PCBP3: variants seen among roughly 807,000 people sequenced by gnomAD.
The protein encoded by PCBP3 is poly(rC) binding protein 3, also known as poly(rC)-binding protein 3.
Under a neutral mutation model 52.7 loss-of-function variants are expected in PCBP3, and 25 were observed. The observed-to-expected ratio is 0.47, with a 90% CI of 0.35 to 0.66. PCBP3 has a LOEUF of 0.66. Among genes scored for constraint, PCBP3 ranks in the 30% least tolerant of loss-of-function variants. PCBP3 has a pLI of 0.01. For missense variants in PCBP3, 391 were observed against 490.3 expected, an observed-to-expected ratio of 0.80 and a Z score of 1.91; for synonymous variants, 162 against 183.0, an observed-to-expected ratio of 0.89 and a Z score of 0.93.
At chr21:45,666,229 A>G (rs1231730318) in intron 1 of PCBP3, among the ~76,000 whole-genome samples, 1 of 152,198 alleles carries the variant, frequency 6.6e-6, no homozygotes, top group Non-Finnish European at 1.5e-5. Context: ...GTCCATTTTC[A>G]CCACCCTTAT....
intron 11 of PCBP3, among the ~76,000 whole-genome samples, chr21:45,911,858 G>C (rs996766314): frequency 2.0e-5 from 3 of 152,226 alleles, no homozygotes; most frequent in Non-Finnish European, 4.4e-5. Context: ...GATACTTTGT[G>C]AAGTGAAAAA....
At chr21:45,857,000 G>A (rs1341686189) in intron 5 of PCBP3, among the ~76,000 whole-genome samples, 1 of 152,216 alleles carries the variant, frequency 6.6e-6, no homozygotes, top group Non-Finnish European at 1.5e-5. Context: ...AAGCATTGTG[G>A]AGACCAAGGT....
Position 45,909,339 on chromosome 21 carries a change from C to G in PCBP3, c.340-16C>G. ...CGACGCCTGAAGTGCTGCCAACACACGTGTCTCTCCCCTAGGATATCATCA... is the reference window on the plus strand; with the variant it reads ...CGACGCCTGAAGTGCTGCCAACACAGGTGTCTCTCCCCTAGGATATCATCA... On this transcript the variant is annotated splice_polypyrimidine_tract_variant and intron_variant, in intron 9 of 17. Transcript: ENST00000681687. The G allele has an allele frequency of 6.2e-7, 1 of 1,609,106 alleles. No homozygotes were observed. Among genetic ancestry groups the G allele is most frequent in the South Asian group, 1.1e-5 (1 of 90,924 alleles).
At chr21:45,779,123 G>T (rs2090459109) in intron 4 of PCBP3, among the ~76,000 whole-genome samples, 1 of 152,218 alleles carries the variant, frequency 6.6e-6, no homozygotes, top group African/African-American at 2.4e-5. Flanking sequence ...AGTAGCTGTT[G>T]GGCCCTAGGA....
intron 14 of PCBP3, 93 bp downstream of exon 14, chr21:45,930,088 G>A: frequency 1.1e-6 from 1 of 882,800 alleles, no homozygotes. Context: ...CATAGAACAG[G>A]TGCAGTTGGA....
chr21:45,902,324 T>C (rs979997714), intron 9 of PCBP3, among the ~76,000 whole-genome samples: 7 of 150,604 alleles, frequency 4.6e-5, no homozygotes, highest in Admixed American at 3.3e-4. Context: ...CTGCAGACAC[T>C]GGGGCCAGTG....
intron 15 of PCBP3, among the ~76,000 whole-genome samples, chr21:45,932,382 GATGA>G (rs1487324081): frequency 2.0e-5 from 3 of 151,432 alleles, no homozygotes; most frequent in Non-Finnish European, 4.4e-5. Flanking sequence ...GCCATCCTGA[GATGA>G]ATGAACACAT....
intron 1 of PCBP3, among the ~76,000 whole-genome samples, chr21:45,647,194 C>G (rs2079373330): frequency 6.6e-6 from 1 of 152,122 alleles, no homozygotes; most frequent in African/African-American, 2.4e-5. Flanking sequence ...TTCTGTGGCC[C>G]CATTTGTTGT....
chr21:45,841,553 C>A (rs2093699944), intron 4 of PCBP3, among the ~76,000 whole-genome samples: 1 of 152,104 alleles, frequency 6.6e-6, no homozygotes, highest in Non-Finnish European at 1.5e-5. Flanking sequence ...ATTTTTAGTT[C>A]AGTTTCACAT....
intron 5 of PCBP3, among the ~76,000 whole-genome samples, chr21:45,857,777 T>C (rs1409517650): frequency 6.6e-6 from 1 of 152,230 alleles, no homozygotes; most frequent in Non-Finnish European, 1.5e-5. Flanking sequence ...TTAGCTCTTC[T>C]TGTTGACAGG....
At chr21:45,701,682 TC>T (rs1424719959) in intron 2 of PCBP3, among the ~76,000 whole-genome samples, 1 of 152,170 alleles carries the variant, frequency 6.6e-6, no homozygotes, top group African/African-American at 2.4e-5. Flanking sequence ...TGCCTCAGCC[TC>T]CTAATTAGCT....
At chr21:45,719,921 G>A (rs2084501759) in intron 2 of PCBP3, among the ~76,000 whole-genome samples, 1 of 152,082 alleles carries the variant, frequency 6.6e-6, no homozygotes, top group Admixed American at 6.5e-5. Flanking sequence ...GTGGAAACCT[G>A]TTCTGGCCTG....
intron 5 of PCBP3, among the ~76,000 whole-genome samples, chr21:45,891,322 G>A (rs190848335): frequency 6.4e-4 from 98 of 152,328 alleles, no homozygotes; most frequent in Non-Finnish European, 1.3e-3. Context: ...AGCTTTACTC[G>A]TGTATCCCGC....
intron 4 of PCBP3, among the ~76,000 whole-genome samples, chr21:45,759,041 C>T (rs1336815329): frequency 6.6e-6 from 1 of 152,112 alleles, no homozygotes; most frequent in Non-Finnish European, 1.5e-5. Context: ...TTAAATCCTA[C>T]TAAGTTATGA....
At chr21:45,888,966 T>C (rs1785158669) in intron 5 of PCBP3, among the ~76,000 whole-genome samples, 1 of 152,278 alleles carries the variant, frequency 6.6e-6, no homozygotes, top group Non-Finnish European at 1.5e-5. Flanking sequence ...CATGGAATTA[T>C]TAGAAAGTTT....
intron 4 of PCBP3, among the ~76,000 whole-genome samples, chr21:45,825,929 C>T (rs1208386888): frequency 6.6e-6 from 1 of 152,084 alleles, no homozygotes; most frequent in Non-Finnish European, 1.5e-5. Context: ...CATTTACTTC[C>T]AAGTTACTAC....
Position 45,896,269 on chromosome 21 carries a change from C to A in PCBP3, c.72C>A (p.His24Gln). ...PHSTLSTLSH[H>Q]PQPQFGRRME... is the part of the protein sequence containing the mutation. ...GCACCCTCAGCACCTTAAGCCACCA[C>A]CCTCAGCCACAATTTGGCAGAAGGA... Residue 24 changes from histidine (H) to glutamine (Q), a missense_variant, in exon 6 of 18, where the codon CAC (histidine) becomes CAA (glutamine). By Grantham distance (24) the His-to-Gln change is conservative. Coordinates refer to ENST00000681687, the MANE Select transcript of PCBP3 (RefSeq NM_001384156.1). The A allele has an allele frequency of 6.4e-7, 1 of 1,552,238 alleles. No individual in the cohort carries two copies. The highest frequency in any genetic ancestry group is 8.7e-7 in the Non-Finnish European group (1 of 1,147,088).
chr21:45,767,426 A>C (rs927997138), intron 4 of PCBP3, among the ~76,000 whole-genome samples: 1 of 152,368 alleles, frequency 6.6e-6, no homozygotes, highest in Non-Finnish European at 1.5e-5. Context: ...AATATACCAC[A>C]TCCACTTATT....
rs2093014877 is a variant in PCBP3 at position 45,817,894 on chromosome 21, T to C, written c.-125-32067T>C. ...AATAGTCTTTATGTTTTAGGGCAATTGTATTCTACAATACAGAAAAATTAT... is the reference window on the plus strand; with the variant it reads ...AATAGTCTTTATGTTTTAGGGCAATCGTATTCTACAATACAGAAAAATTAT... On this transcript the variant is annotated intron_variant, in intron 4 of 17. Transcript: ENST00000681687. This position sits in a 1 kb window ranked among gnomAD's most constrained non-coding sequence, Gnocchi z 4.3. Among the ~76,000 whole-genome samples the C allele has an allele frequency of 1.3e-5, 2 of 152,230 alleles. No individual in the cohort carries two copies. The highest frequency in any genetic ancestry group is 2.9e-5 in the Non-Finnish European group (2 of 68,046).
Sources: gnomAD v4.1 joint callset for allele counts (sites outside exome capture counted in the v4.1 genomes callset) on GRCh38, gnomAD v4.1.1 for gene constraint, Gnocchi (gnomAD v3.1) non-coding constraint, MANE v1.5 for transcripts, NCBI Gene and HGNC (gene_info 2026-07-23, HGNC 2026-07-21) for gene names.